The following FLT3 variants were observed in gnomAD, a reference collection of about 807,000 sequenced individuals.
FLT3 encodes the protein fms related receptor tyrosine kinase 3.
FLT3 carries 46 observed loss-of-function variants against 126.6 expected under a neutral mutation model. That is an observed-to-expected ratio of 0.36 (90% CI 0.29 to 0.46). The LOEUF (loss-of-function observed/expected upper bound fraction) is 0.46, where lower values mean the gene tolerates loss of function less well. FLT3 is among the 20% of genes least tolerant of loss of function. The probability of loss-of-function intolerance (pLI) is 1.00; values close to 1 mark genes in which losing one functional copy is unlikely to be tolerated. For synonymous variants in FLT3, 404 were observed against 434.4 expected (o/e 0.93, Z 0.87); for missense variants, 1,069 against 1,190.3 (o/e 0.90, Z 1.50).
chr13:28,088,767 G>A (rs1451700268), intron 1 of FLT3, among the ~76,000 whole-genome samples: 5 of 147,756 alleles, frequency 3.4e-5, no homozygotes, highest in East Asian at 2.0e-4. Flanking sequence ...TTGTTTTTTC[G>A]TAGAGACGGG....
At position 28,052,595 on chromosome 13, in the gene FLT3, G is replaced by A. The variant is rs774682624; in HGVS notation, c.564C>T (p.Ser188=). The change falls in exon 5 of 24, where the codon AGC becomes AGT. Residue 188 remains serine, a synonymous_variant. Transcript: ENST00000241453. ...NQDALVCISE[S]VPEPIVEWVL... Reference sequence around the variant, plus strand: ...CCCATTCCACGATCGGCTCTGGAACGCTCTCAGATATGCAGACCAGGGCGT... The same window carrying A: ...CCCATTCCACGATCGGCTCTGGAACACTCTCAGATATGCAGACCAGGGCGT... 8 of 1,613,502 alleles carry A rather than the reference G, an allele frequency of 5.0e-6. No homozygotes were observed. The highest frequency in any genetic ancestry group is 2.2e-5 in the East Asian group (1 of 44,880).
intron 1 of FLT3, among the ~76,000 whole-genome samples, chr13:28,098,464 T>A (rs1879615806): frequency 6.6e-6 from 1 of 152,162 alleles, no homozygotes; most frequent in African/African-American, 2.4e-5. Context: ...AGAAAATCCA[T>A]AATACAAAGT....
chr13:28,081,844 C>CTTTTTTTTTTTTTTTT lies in FLT3; in HGVS notation c.44-11248_44-11233dup, dbSNP rs35243277. Among the ~76,000 whole-genome samples the CTTTTTTTTTTTTTTTT allele has an allele frequency of 7.7e-5, 5 of 64,974 alleles. 1 individual carries two copies. The highest frequency in any genetic ancestry group is 2.1e-4 in the Admixed American group (1 of 4,758). 42.6% of individuals were successfully genotyped at this position (64,974 alleles called of 152,430 possible). On this transcript the variant is annotated intron_variant, in intron 1 of 23. Transcript: ENST00000241453. ...TTACTTTGATTTTTTTACTTTGATTCTTTTTTTTTTTTTTTTTTTTTTTTT... is the reference window on the plus strand; with the variant it reads ...TTACTTTGATTTTTTTACTTTGATTCTTTTTTTTTTTTTTTTTTTTTTTTTTTTTTTTTTTTTTTTT...
chr13:28,025,667 G>A (rs561771875), intron 17 of FLT3, among the ~76,000 whole-genome samples: 1 of 152,266 alleles, frequency 6.6e-6, no homozygotes, highest in East Asian at 1.9e-4. Context: ...GCTAAGTACT[G>A]ACCAGTGGAT....
chr13:28,034,123 T>C lies in FLT3; in HGVS notation c.1796A>G (p.Tyr599Cys), dbSNP rs2137674948. The part of the protein sequence containing the change: ...YFYVDFREYE[Y>C]DLKWEFPREN... ...TCTTGGAAACTCCCATTTGAGATCA[T>C]ATTCATATTCTCTGAAATCAACGTA... The change falls in exon 14 of 24, where the codon TAT becomes TGT. Residue 599 changes from tyrosine to cysteine, a missense_variant. Transcript: ENST00000241453. The C allele has an allele frequency of 1.2e-6, 2 of 1,614,074 alleles. No individual in the cohort carries two copies. The highest frequency in any genetic ancestry group is 2.2e-5 in the South Asian group (2 of 91,080).
At chr13:28,079,377 C>T (rs1878174215) in intron 1 of FLT3, among the ~76,000 whole-genome samples, 1 of 152,130 alleles carries the variant, frequency 6.6e-6, no homozygotes. Flanking sequence ...TAGGAGGTTC[C>T]AAGCTTTCCC....
chr13:28,015,548 C>T, intron 21 of FLT3, 42 bp downstream of exon 21: 1 of 1,205,236 alleles, frequency 8.3e-7, no homozygotes, highest in Non-Finnish European at 1.2e-6. Flanking sequence ...GCAGAGGATG[C>T]AAAGCCAGGA....
At chr13:28,073,366 A>G in intron 1 of FLT3, 1 of 418,144 alleles carries the variant, frequency 2.4e-6, no homozygotes, top group Non-Finnish European at 4.7e-6. Flanking sequence ...AAAAAAAAAA[A>G]AAAGCATTTT....
At chr13:28,022,550 G>T (rs1482004516) in intron 19 of FLT3, among the ~76,000 whole-genome samples, 1 of 151,992 alleles carries the variant, frequency 6.6e-6, no homozygotes, top group Non-Finnish European at 1.5e-5. Flanking sequence ...ACAATTGAAA[G>T]TAGTCTTTCC....
At chr13:28,015,373 G>A (rs530830577) in intron 21 of FLT3, 117 bp from the exon 22 acceptor site, 22 of 789,614 alleles carry the variant, frequency 2.8e-5, no homozygotes, top group Middle Eastern at 4.6e-4. Context: ...GCAGGCACAC[G>A]GGCTGCGGCT....
At chr13:28,079,218 C>G (rs932879581) in intron 1 of FLT3, among the ~76,000 whole-genome samples, 6 of 152,148 alleles carry the variant, frequency 3.9e-5, no homozygotes, top group African/African-American at 1.4e-4. Flanking sequence ...CAAAATGCCT[C>G]CAGTCTTTTT....
intron 3 of FLT3, among the ~76,000 whole-genome samples, chr13:28,058,243 A>G (rs1490257945): frequency 1.4e-5 from 2 of 146,812 alleles, no homozygotes; most frequent in Non-Finnish European, 3.0e-5. Flanking sequence ...GGCCAGGTAC[A>G]GTGGCTCATG....
intron 1 of FLT3, among the ~76,000 whole-genome samples, chr13:28,079,768 G>A (rs1000134178): frequency 2.0e-5 from 3 of 152,094 alleles, no homozygotes; most frequent in African/African-American, 7.2e-5. Context: ...CAGCCCCCAC[G>A]ATTCAATTAC....
intron 1 of FLT3, among the ~76,000 whole-genome samples, chr13:28,089,641 T>A (rs530498424): frequency 1.1e-4 from 16 of 152,060 alleles, no homozygotes; most frequent in Admixed American, 8.5e-4. Flanking sequence ...TCCACTTACA[T>A]GACATTCTAT....
At chr13:28,033,759 C>T in intron 15 of FLT3, 128 bp downstream of exon 15, 2 of 739,792 alleles carry the variant, frequency 2.7e-6, no homozygotes, top group Non-Finnish European at 4.7e-6. Flanking sequence ...CCAATCCACT[C>T]CATTTTTAGC....
At chr13:28,077,536 T>TC (rs1264117986) in intron 1 of FLT3, among the ~76,000 whole-genome samples, 1 of 151,966 alleles carries the variant, frequency 6.6e-6, no homozygotes, top group Non-Finnish European at 1.5e-5. Context: ...TTCAATTACC[T>TC]CCCCCTGGGT....
chr13:28,091,276 C>A (rs940338547), intron 1 of FLT3, among the ~76,000 whole-genome samples: 4 of 112,794 alleles, frequency 3.5e-5, no homozygotes, highest in East Asian at 2.9e-4. Context: ...GGCTGGAGTG[C>A]AGTGGCGCGA....
chr13:28,067,234 G>A (rs1877115235), intron 2 of FLT3, among the ~76,000 whole-genome samples: 1 of 152,168 alleles, frequency 6.6e-6, no homozygotes, highest in Admixed American at 6.5e-5. Context: ...TGTTGGCCAG[G>A]CTGGTCTCGA....
intron 20 of FLT3, among the ~76,000 whole-genome samples, chr13:28,016,477 G>T (rs1188086519): frequency 6.6e-6 from 1 of 152,018 alleles, no homozygotes; most frequent in South Asian, 2.1e-4. Context: ...CACCATGTTG[G>T]CCAGGCTGGT....
Sources: allele counts gnomAD v4.1 joint callset (sites outside exome capture counted in the v4.1 genomes callset), GRCh38; gene constraint gnomAD v4.1.1; transcripts MANE v1.5; gene names NCBI Gene and HGNC (gene_info 2026-07-23, HGNC 2026-07-21).